NFIB: variants seen among roughly 807,000 people sequenced by gnomAD.
NFIB encodes nuclear factor 1 B-type.
NFIB carries 11 observed loss-of-function variants against 61.5 expected under a neutral mutation model. That is an observed-to-expected ratio of 0.18 (90% confidence interval 0.11 to 0.30). The LOEUF (loss-of-function observed/expected upper bound fraction) is 0.30, where lower values mean the gene tolerates loss of function less well. NFIB is among the 10% of genes least tolerant of loss of function. The pLI, the probability that NFIB is intolerant of heterozygous loss-of-function variation, is 1.00. For missense variants in NFIB, 471 were observed against 608.9 expected, an observed-to-expected ratio of 0.77 and a Z score of 2.38; for synonymous variants, 260 against 216.5, an observed-to-expected ratio of 1.20 and a Z score of -1.76.
At chr9:14,107,432 A>C (rs991513763) in intron 10 of NFIB, among the ~76,000 whole-genome samples, 1 of 152,100 alleles carries the variant, frequency 6.6e-6, no homozygotes, top group Non-Finnish European at 1.5e-5. Flanking sequence ...AATTAGCAGA[A>C]GTAGAATTAA....
chr9:14,215,828 G>C (rs2050795209), intron 2 of NFIB, among the ~76,000 whole-genome samples: 1 of 152,124 alleles, frequency 6.6e-6, no homozygotes, highest in Non-Finnish European at 1.5e-5. Context: ...CCACTCACTT[G>C]CTTTGTAATT....
intron 2 of NFIB, among the ~76,000 whole-genome samples, chr9:14,258,755 T>C (rs2056464277): frequency 6.6e-6 from 1 of 152,222 alleles, no homozygotes; most frequent in Non-Finnish European, 1.5e-5. Context: ...TAAATCAAGT[T>C]AGTAAGGATG....
the NFIB span, among the ~76,000 whole-genome samples, chr9:14,501,794 A>G: frequency 6.6e-6 from 1 of 152,204 alleles, no homozygotes; most frequent in Non-Finnish European, 1.5e-5. Context: ...TGACAATAGC[A>G]CCAGAGAATT....
chr9:14,328,203 G>T (rs1030112519), intron 1 of NFIB, among the ~76,000 whole-genome samples: 1 of 152,086 alleles, frequency 6.6e-6, no homozygotes, highest in Admixed American at 6.5e-5. Flanking sequence ...GGAGTGCAGT[G>T]GTGCTATCAG....
At chr9:14,301,106 A>G (rs1819437322) in intron 2 of NFIB, among the ~76,000 whole-genome samples, 1 of 152,216 alleles carries the variant, frequency 6.6e-6, no homozygotes, top group South Asian at 2.1e-4. Context: ...ACCACCTTAG[A>G]AAACAGTAAC....
At chr9:14,246,449 A>T (rs917623536) in intron 2 of NFIB, among the ~76,000 whole-genome samples, 1 of 152,144 alleles carries the variant, frequency 6.6e-6, no homozygotes, top group Admixed American at 6.5e-5. Context: ...CTGGGATATC[A>T]AGTTTAATTT....
chr9:14,298,654 A>T (rs1302540553), intron 2 of NFIB, among the ~76,000 whole-genome samples: 1 of 152,170 alleles, frequency 6.6e-6, no homozygotes, highest in Admixed American at 6.5e-5. Flanking sequence ...GGACGCCTTG[A>T]ATCCACTGGT....
chr9:14,272,085 A>G (rs1487324815), intron 2 of NFIB, among the ~76,000 whole-genome samples: 1 of 152,202 alleles, frequency 6.6e-6, no homozygotes, highest in Non-Finnish European at 1.5e-5. Context: ...TCAGACATGT[A>G]ACAGTATATC....
At chr9:14,376,016 C>T (rs1443247164) in intron 1 of NFIB, among the ~76,000 whole-genome samples, 1 of 152,188 alleles carries the variant, frequency 6.6e-6, no homozygotes, top group Non-Finnish European at 1.5e-5. Flanking sequence ...TTTCACACAT[C>T]ACTGATTGTT....
At chr9:14,164,038 G>A (rs756794601) in intron 3 of NFIB, among the ~76,000 whole-genome samples, 69 of 151,000 alleles carry the variant, frequency 4.6e-4, no homozygotes, top group Non-Finnish European at 8.0e-4. Context: ...TACCATAAAA[G>A]AAAGAACAGC....
At chr9:14,096,916 T>A (rs781561693) in intron 10 of NFIB, among the ~76,000 whole-genome samples, 4 of 152,148 alleles carry the variant, frequency 2.6e-5, no homozygotes, top group Non-Finnish European at 5.9e-5. Context: ...TACAATTAAT[T>A]TCTTAGGAAG....
chr9:14,163,810 G>C (rs1001227196), intron 3 of NFIB, among the ~76,000 whole-genome samples: 1 of 151,842 alleles, frequency 6.6e-6, no homozygotes, highest in Non-Finnish European at 1.5e-5. Flanking sequence ...TTTGACCAAA[G>C]AGGCAACTTT....
rs1190094717 is a variant in NFIB, at chr9:14,307,538, G to A, written c.31-18C>T. On this transcript the variant is annotated intron_variant, in intron 1 of 10. Coordinates refer to ENST00000380953, the MANE Select transcript of NFIB (RefSeq NM_001190737.2). The surrounding 1 kb of genome is among the most constrained non-coding windows in gnomAD (Gnocchi z 5.3). ...AATTCATCCTGTGGAAGACAGAGGG[G>A]TGAGGAAAAGATGTGCATAGTCAGT... 6.4e-7 allele frequency: 1 copy of A among 1,563,762 alleles called. No homozygotes were observed. Among genetic ancestry groups the A allele is most frequent in the Admixed American group, 1.9e-5 (1 of 52,602 alleles).
chr9:14,455,093 C>T, the NFIB span, among the ~76,000 whole-genome samples: 2 of 152,206 alleles, frequency 1.3e-5, no homozygotes, highest in Non-Finnish European at 2.9e-5. Flanking sequence ...TACCTGATGA[C>T]TGTCAGGATG....
chr9:14,165,667 A>T (rs1312357154), intron 3 of NFIB, among the ~76,000 whole-genome samples: 3 of 152,186 alleles, frequency 2.0e-5, no homozygotes, highest in Non-Finnish European at 2.9e-5. Flanking sequence ...AAAGGGGAAC[A>T]CTAGTCTGTC....
chr9:14,346,979 A>G (rs1771396178), intron 1 of NFIB, among the ~76,000 whole-genome samples: 2 of 152,070 alleles, frequency 1.3e-5, no homozygotes, highest in South Asian at 2.1e-4. Flanking sequence ...TAGCCTCACA[A>G]CAGGACCTAG....
At chr9:14,491,766 C>T in the NFIB span, among the ~76,000 whole-genome samples, 1 of 151,980 alleles carries the variant, frequency 6.6e-6, no homozygotes, top group East Asian at 1.9e-4. Context: ...TCTTAAAATC[C>T]AAAATAACGA....
intron 2 of NFIB, among the ~76,000 whole-genome samples, chr9:14,263,734 GTTTAGGGATAGCAAAACGAA>G (rs2056979390): frequency 6.6e-6 from 1 of 152,222 alleles, no homozygotes; most frequent in Non-Finnish European, 1.5e-5. Flanking sequence ...CAGAATTGGA[GTTTAGGGATAGCAAAACGAA>G]AACTGAGCTG....
chr9:14,270,237 G>T (rs1182773307), intron 2 of NFIB, among the ~76,000 whole-genome samples: 1 of 152,040 alleles, frequency 6.6e-6, no homozygotes, highest in Non-Finnish European at 1.5e-5. Flanking sequence ...CCTAGGCAGA[G>T]TTCCTGTTCA....
Sources: allele counts gnomAD v4.1 joint callset (sites outside exome capture counted in the v4.1 genomes callset), GRCh38; gene constraint gnomAD v4.1.1; non-coding constraint Gnocchi (gnomAD v3.1); transcripts MANE v1.5; gene names NCBI Gene and HGNC (gene_info 2026-07-23, HGNC 2026-07-21).